MEF2A: variants seen among roughly 807,000 people sequenced by gnomAD.
MEF2A encodes myocyte enhancer factor 2A.
In MEF2A, 28 loss-of-function variants were observed where a neutral mutation model predicts 55.8. That is an observed-to-expected ratio of 0.50 (90% CI 0.37 to 0.69). MEF2A has a LOEUF of 0.69. Ranked by LOEUF, MEF2A falls within the 30% of genes least tolerant of loss-of-function variation. MEF2A has a pLI of 0.00. For missense variants in MEF2A, 528 were observed against 626.2 expected, an observed-to-expected ratio of 0.84 and a Z score of 1.67; for synonymous variants, 239 against 227.1, an observed-to-expected ratio of 1.05 and a Z score of -0.47.
chr15:99,628,556 G>T (rs2042404370), intron 2 of MEF2A, among the ~76,000 whole-genome samples: 1 of 151,912 alleles, frequency 6.6e-6, no homozygotes, highest in Admixed American at 6.6e-5. Context: ...AGCTGTTTGT[G>T]CTTTTACTGT....
intron 1 of MEF2A, among the ~76,000 whole-genome samples, chr15:99,567,238 G>A (rs1421855038): frequency 1.3e-5 from 2 of 152,180 alleles, no homozygotes; most frequent in African/African-American, 2.4e-5. Context: ...CTATTAGAAA[G>A]GCCTGCTGTG....
intron 1 of MEF2A, among the ~76,000 whole-genome samples, chr15:99,594,772 A>T (rs1328864820): frequency 6.6e-6 from 1 of 152,158 alleles, no homozygotes; most frequent in Non-Finnish European, 1.5e-5. Context: ...TTTGTGTGAT[A>T]TTGTATAATT....
At chr15:99,601,203 A>G (rs1187322608) in intron 2 of MEF2A, among the ~76,000 whole-genome samples, 1 of 152,228 alleles carries the variant, frequency 6.6e-6, no homozygotes, top group Non-Finnish European at 1.5e-5. Flanking sequence ...ATGCTAGTCT[A>G]CAGAGATAGA....
chr15:99,573,116 A>G (rs2570823), intron 1 of MEF2A, among the ~76,000 whole-genome samples: 97,825 of 151,838 alleles, frequency 0.64, 35,051 homozygotes, highest in Middle Eastern at 0.86. Context: ...GTGAAACCCC[A>G]TCTCTACTAA....
At chr15:99,686,349 T>C (rs894404537) in intron 7 of MEF2A, among the ~76,000 whole-genome samples, 14 of 152,034 alleles carry the variant, frequency 9.2e-5, no homozygotes, top group African/African-American at 2.9e-4. Context: ...TTAAGGAGGG[T>C]GTATTTTCAG....
intron 2 of MEF2A, among the ~76,000 whole-genome samples, chr15:99,613,882 A>G (rs1289019394): frequency 6.6e-6 from 1 of 152,222 alleles, no homozygotes. Flanking sequence ...AAATTGTTTT[A>G]ATATTCTACT....
chr15:99,610,588 G>A (rs922502300), intron 2 of MEF2A, among the ~76,000 whole-genome samples: 5 of 152,048 alleles, frequency 3.3e-5, no homozygotes, highest in Admixed American at 1.3e-4. Flanking sequence ...GTATGTTACT[G>A]GCATAAGGAT....
Position 99,713,203 on chromosome 15 carries a change from A to G in MEF2A, c.*432A>G. 2.5e-6 allele frequency: 1 copy of G among 404,006 alleles called. No individual in the cohort carries two copies. The highest frequency in any genetic ancestry group is 3.5e-5 in the East Asian group (1 of 28,562). The allele number at this position is 404,006 out of a possible 1,614,324, so 25.0% of individuals were successfully genotyped here. A position where few individuals can be genotyped will look rare whatever the true frequency, so the allele number is the denominator to read the frequency against. On this transcript the variant is annotated 3_prime_UTR_variant, in exon 12 of 12. Transcript: ENST00000557942. Reference sequence around the variant, plus strand: ...TTACTTAAGAGAAAATGCTTTGTAGAACAGAGCAGTAGAAAAGCAGGAACC... The same window carrying G: ...TTACTTAAGAGAAAATGCTTTGTAGGACAGAGCAGTAGAAAAGCAGGAACC...
intron 8 of MEF2A, among the ~76,000 whole-genome samples, chr15:99,696,028 A>T (rs889745267): frequency 3.9e-5 from 6 of 152,238 alleles, no homozygotes; most frequent in Non-Finnish European, 8.8e-5. Context: ...TATCAGCGAT[A>T]AGGAGGGACG....
chr15:99,715,867 C>T lies in MEF2A; in HGVS notation c.*3096C>T, dbSNP rs77710130. The stretch of plus-strand genomic sequence containing the variant: ...TACACAGGTGGTCCCAATCAAAACT[C>T]CATCTTTTGAGCCCAATTATGTCCA... On this transcript the variant is annotated 3_prime_UTR_variant, in exon 12 of 12. Transcript: ENST00000557942. 0.13 allele frequency: 19,041 copies of T among 152,304 alleles called. 1,418 individuals are homozygous for T. The highest frequency in any genetic ancestry group is 0.25 in the East Asian group (1,311 of 5,168). The allele number at this position is 152,304 out of a possible 1,614,324, so 9.4% of individuals were successfully genotyped here.
chr15:99,701,376 TCAAAACAAGTTGTCAAGGTCATG>T (rs534573741), intron 8 of MEF2A, among the ~76,000 whole-genome samples: 43 of 152,302 alleles, frequency 2.8e-4, no homozygotes, highest in East Asian at 1.5e-3. Flanking sequence ...CAGCACTCTT[TCAAAACAAGTTGTCAAGGTCATG>T]CAAAACAAGT....
Position 99,643,518 on chromosome 15 carries a change from A to G in MEF2A, c.55-2043A>G, listed in dbSNP as rs150483047. On this transcript the variant is annotated intron_variant, in intron 3 of 11. Transcript: ENST00000557942. Reference sequence around the variant, plus strand: ...TCTATTTTGTTTTTGTTTGTTCCCAAATGTATTTGTAAAAACAAGTACATC... The same window carrying G: ...TCTATTTTGTTTTTGTTTGTTCCCAGATGTATTTGTAAAAACAAGTACATC... Among the ~76,000 whole-genome samples the G allele has an allele frequency of 3.7e-3, 568 of 151,936 alleles. 4 individuals carry two copies. Among genetic ancestry groups the G allele is most frequent in the African/African-American group, 0.013 (534 of 41,452 alleles).
chr15:99,690,474 T>C (rs1315648571), intron 8 of MEF2A, 46 bp downstream of exon 8: 1 of 1,490,394 alleles, frequency 6.7e-7, no homozygotes, highest in East Asian at 2.3e-5. Context: ...ACACATATTT[T>C]ATACATAGTC....
intron 2 of MEF2A, among the ~76,000 whole-genome samples, chr15:99,626,121 A>G (rs999919976): frequency 7.2e-5 from 11 of 152,010 alleles, no homozygotes; most frequent in African/African-American, 1.7e-4. Flanking sequence ...TACCAATTCA[A>G]TCTCCTTACT....
intron 3 of MEF2A, among the ~76,000 whole-genome samples, chr15:99,634,951 A>G (rs1302258998): frequency 2.0e-5 from 3 of 152,246 alleles, no homozygotes; most frequent in African/African-American, 7.2e-5. Flanking sequence ...AAACTAAAAG[A>G]GTATCTTTAT....
chr15:99,671,711 A>C (rs1433799251), intron 5 of MEF2A: 3 of 1,440,200 alleles, frequency 2.1e-6, no homozygotes, highest in Non-Finnish European at 2.7e-6. Flanking sequence ...GAGATTGACC[A>C]AACATCTTGT....
At chr15:99,633,862 T>C (rs762156938) in intron 3 of MEF2A, among the ~76,000 whole-genome samples, 3 of 152,228 alleles carry the variant, frequency 2.0e-5, no homozygotes, top group Non-Finnish European at 4.4e-5. Flanking sequence ...TAGAGCACTG[T>C]CATGCTCATT....
rs139330603 is a variant in MEF2A, at chr15:99,650,039, G to A, written c.258+4275G>A. On this transcript the variant is annotated intron_variant, in intron 4 of 11. Transcript: ENST00000557942. ...GGATGTAAATAAAAGGGTCATGGCC[G>A]TTTGTCTCTCTTGTTAATATCTGGT... is the stretch of plus-strand genomic sequence containing the variant. Among the ~76,000 whole-genome samples the A allele has an allele frequency of 7.2e-5, 11 of 152,212 alleles. No homozygotes were observed. The East Asian group carries it at 1.5e-3, about 21-fold the overall frequency.
intron 2 of MEF2A, among the ~76,000 whole-genome samples, chr15:99,620,699 A>G (rs1382450315): frequency 2.0e-5 from 3 of 152,146 alleles, no homozygotes. Context: ...GTATATACCC[A>G]ATAATGGAAT....
Sources: gnomAD v4.1 joint callset for allele counts (sites outside exome capture counted in the v4.1 genomes callset) on GRCh38, gnomAD v4.1.1 for gene constraint, MANE v1.5 for transcripts, NCBI Gene and HGNC (gene_info 2026-07-23, HGNC 2026-07-21) for gene names.